Variants in GRIK2 observed in about 807,000 individuals in gnomAD.
GRIK2 encodes glutamate ionotropic receptor kainate type subunit 2, also known as glutamate receptor ionotropic, kainate 2.
A neutral mutation model predicts 100.3 loss-of-function variants in GRIK2; 32 were observed. The ratio of observed to expected loss-of-function variants is 0.32; its 90% CI spans 0.24 to 0.43. GRIK2 has a LOEUF of 0.43. Ranked by LOEUF, GRIK2 falls within the 20% of genes least tolerant of loss-of-function variation. The pLI is 1.00. For missense variants in GRIK2, 843 were observed against 1,114.9 expected (o/e 0.76, Z 3.47); for synonymous variants, 417 against 389.4 (o/e 1.07, Z -0.83).
chr6:101,467,904 G>T (rs1237232480), intron 2 of GRIK2, among the ~76,000 whole-genome samples: 2 of 145,144 alleles, frequency 1.4e-5, no homozygotes, highest in African/African-American at 2.6e-5. Context: ...TTTTTTTGAG[G>T]TTTCATTTTT....
In GRIK2 at chr6:101,691,314, T is replaced by C. The variant is rs566656989; in HGVS notation, c.951+4961T>C. Among the ~76,000 whole-genome samples the C allele has an allele frequency of 2.5e-3, 375 of 151,838 alleles. 6 individuals carry two copies. The highest frequency in any genetic ancestry group is 8.8e-3 in the African/African-American group (363 of 41,436). On this transcript the variant is annotated intron_variant, in intron 7 of 16. Transcript: ENST00000369134. ...AAATACTTTTTTTTCTTTTTTTTTT[T>C]TTTGAGACAGAGTCTCGCTCTGCCA...
intron 14 of GRIK2, among the ~76,000 whole-genome samples, chr6:102,000,892 A>G (rs1794902568): frequency 6.6e-6 from 1 of 151,594 alleles, no homozygotes; most frequent in Non-Finnish European, 1.5e-5. Context: ...ATCATTTTCC[A>G]CTATAATCTA....
intron 12 of GRIK2, among the ~76,000 whole-genome samples, chr6:101,922,879 G>C (rs1326833346): frequency 6.6e-6 from 1 of 152,102 alleles, no homozygotes; most frequent in Non-Finnish European, 1.5e-5. Flanking sequence ...TCTGTTACTT[G>C]GAAATACTTT....
At chr6:102,026,148 A>ATATATG (rs1224603535) in intron 14 of GRIK2, among the ~76,000 whole-genome samples, 30 of 112,440 alleles carry the variant, frequency 2.7e-4, no homozygotes, top group Non-Finnish European at 4.5e-4. Context: ...ATATATATAT[A>ATATATG]TATATATGAA....
chr6:101,862,247 C>T (rs2128444422), intron 11 of GRIK2, among the ~76,000 whole-genome samples: 1 of 152,024 alleles, frequency 6.6e-6, no homozygotes, highest in Non-Finnish European at 1.5e-5. Flanking sequence ...AAAAGTCTCT[C>T]CTAGTGATCA....
chr6:102,027,177 TA>T (rs1299580221), intron 14 of GRIK2, among the ~76,000 whole-genome samples: 1 of 151,310 alleles, frequency 6.6e-6, no homozygotes, highest in East Asian at 1.9e-4. Context: ...GTTAGCATTA[TA>T]AACAAAATTG....
intron 2 of GRIK2, among the ~76,000 whole-genome samples, chr6:101,615,835 A>G (rs1779867879): frequency 6.6e-6 from 1 of 151,850 alleles, no homozygotes; most frequent in South Asian, 2.1e-4. Flanking sequence ...TATAATAGCA[A>G]TTTAAAAATC....
chr6:101,519,488 T>C (rs774637839), intron 2 of GRIK2, among the ~76,000 whole-genome samples: 34 of 152,152 alleles, frequency 2.2e-4, no homozygotes, highest in Non-Finnish European at 4.0e-4. Context: ...ACAGTGTTCC[T>C]TGAGTCACAC....
intron 4 of GRIK2, among the ~76,000 whole-genome samples, chr6:101,653,179 A>T (rs1184621307): frequency 6.6e-6 from 1 of 152,124 alleles, no homozygotes; most frequent in Non-Finnish European, 1.5e-5. Flanking sequence ...ACTCTCTCTG[A>T]CAGACTTCTG....
intron 7 of GRIK2, among the ~76,000 whole-genome samples, chr6:101,691,012 G>C (rs1026359829): frequency 6.6e-6 from 1 of 152,054 alleles, no homozygotes; most frequent in African/African-American, 2.4e-5. Flanking sequence ...TAGCTCTTTT[G>C]AAGCAAGAAG....
chr6:101,741,466 T>C (rs964354168), intron 7 of GRIK2, among the ~76,000 whole-genome samples: 2 of 152,224 alleles, frequency 1.3e-5, no homozygotes, highest in African/African-American at 4.8e-5. Flanking sequence ...TATGTATATG[T>C]ACATTGCAAA....
intron 7 of GRIK2, among the ~76,000 whole-genome samples, chr6:101,725,841 G>T (rs1733154774): frequency 6.6e-6 from 1 of 151,906 alleles, no homozygotes; most frequent in African/African-American, 2.4e-5. Flanking sequence ...GTGTTCACCT[G>T]AATGTTTGAC....
intron 7 of GRIK2, among the ~76,000 whole-genome samples, chr6:101,741,142 G>T (rs1350038022): frequency 6.6e-6 from 1 of 152,194 alleles, no homozygotes; most frequent in Non-Finnish European, 1.5e-5. Flanking sequence ...TTTCCCTGAG[G>T]ACACTGGTTG....
At chr6:101,530,383 C>CCAT (rs1383963624) in intron 2 of GRIK2, among the ~76,000 whole-genome samples, 2 of 151,704 alleles carry the variant, frequency 1.3e-5, no homozygotes, top group African/African-American at 4.8e-5. Context: ...ATTTTAAAAG[C>CCAT]CATGTCAAAA....
At chr6:101,770,804 T>G (rs1329846438) in intron 7 of GRIK2, among the ~76,000 whole-genome samples, 1 of 152,178 alleles carries the variant, frequency 6.6e-6, no homozygotes, top group East Asian at 1.9e-4. Context: ...CAAACAAAAT[T>G]CAGATCCATG....
intron 2 of GRIK2, among the ~76,000 whole-genome samples, chr6:101,445,466 A>G (rs995163152): frequency 6.6e-6 from 1 of 151,988 alleles, no homozygotes; most frequent in Non-Finnish European, 1.5e-5. Context: ...TGTCCTTCTC[A>G]TATGCCCTCT....
chr6:101,866,010 G>A (rs1031858629), intron 11 of GRIK2, among the ~76,000 whole-genome samples: 1 of 151,540 alleles, frequency 6.6e-6, no homozygotes, highest in African/African-American at 2.4e-5. Context: ...TTAAAATGTT[G>A]GCAAAAACAA....
intron 12 of GRIK2, among the ~76,000 whole-genome samples, chr6:101,911,215 A>G (rs528704667): frequency 4.0e-5 from 6 of 151,588 alleles, no homozygotes; most frequent in Admixed American, 2.0e-4. Context: ...ATGAATGCCA[A>G]TCAGGAAGTT....
intron 14 of GRIK2, among the ~76,000 whole-genome samples, chr6:102,026,566 T>G (rs1769715398): frequency 1.3e-5 from 2 of 151,236 alleles, no homozygotes; most frequent in African/African-American, 4.8e-5. Context: ...ATGAGATACT[T>G]GGAATGGTAC....
Sources: allele counts gnomAD v4.1 joint callset (sites outside exome capture counted in the v4.1 genomes callset), GRCh38; gene constraint gnomAD v4.1.1; transcripts MANE v1.5; gene names NCBI Gene and HGNC (gene_info 2026-07-23, HGNC 2026-07-21).